The following SUDS3 variants were observed in gnomAD, a reference collection of about 807,000 sequenced individuals.
SUDS3 encodes SIN3A corepressor complex component SDS3.
Under a neutral mutation model 53.5 loss-of-function variants are expected in SUDS3, and 23 were observed. The observed-to-expected ratio is 0.43, with a 90% CI of 0.31 to 0.61. The LOEUF is 0.61. SUDS3 is among the 20% of genes least tolerant of loss of function. SUDS3 has a pLI of 0.10. For synonymous variants in SUDS3, 150 were observed against 148.5 expected, an observed-to-expected ratio of 1.01 and a Z score of -0.08; for missense variants, 291 against 405.9, an observed-to-expected ratio of 0.72 and a Z score of 2.43.
intron 10 of SUDS3, among the ~76,000 whole-genome samples, chr12:118,408,415 T>C (rs934317105): frequency 1.3e-5 from 2 of 151,612 alleles, no homozygotes; most frequent in Admixed American, 6.6e-5. Flanking sequence ...CCCACTGCAG[T>C]CCCTGCCTCC....
rs2046385217 is a variant in SUDS3, at chr12:118,414,672, C to G, written c.*239C>G. ...AGTCACCATGAGACTGTTTTACTTTCAGGCGTATTGGGGGGTTTGATTTAC... is the reference window on the plus strand; with the variant it reads ...AGTCACCATGAGACTGTTTTACTTTGAGGCGTATTGGGGGGTTTGATTTAC... On this transcript the variant is annotated 3_prime_UTR_variant, in exon 12 of 12. Transcript: ENST00000543473. The G allele has an allele frequency of 5.0e-6, 2 of 399,146 alleles. No homozygotes were observed. Among genetic ancestry groups the G allele is most frequent in the Non-Finnish European group, 8.9e-6 (2 of 225,780 alleles). The allele number at this position is 399,146 out of a possible 1,614,324, so 24.7% of individuals were successfully genotyped here.
chr12:118,385,121 T>C (rs1322732726), intron 3 of SUDS3, among the ~76,000 whole-genome samples: 2 of 151,934 alleles, frequency 1.3e-5, no homozygotes, highest in Non-Finnish European at 2.9e-5. Context: ...TCTTTTTTTT[T>C]TTTTCGAGGC....
chr12:118,398,142 A>G (rs1446275548), intron 6 of SUDS3, among the ~76,000 whole-genome samples: 7 of 152,160 alleles, frequency 4.6e-5, no homozygotes, highest in Non-Finnish European at 1.0e-4. Context: ...AAAATATAAT[A>G]ATAAAAACTA....
chr12:118,391,319 T>A, intron 6 of SUDS3, 37 bp downstream of exon 6: 2 of 1,568,052 alleles, frequency 1.3e-6, no homozygotes, highest in Non-Finnish European at 1.7e-6. Context: ...TTGGGGGCCC[T>A]GAGCGGGGGG....
At chr12:118,382,675 T>G (rs905731161) in intron 2 of SUDS3, among the ~76,000 whole-genome samples, 6 of 150,208 alleles carry the variant, frequency 4.0e-5, no homozygotes, top group African/African-American at 1.5e-4. Flanking sequence ...CCTTTTTTTT[T>G]TTTTTTTTAA....
chr12:118,413,664 C>A (rs2046376971), intron 11 of SUDS3, among the ~76,000 whole-genome samples: 1 of 152,092 alleles, frequency 6.6e-6, no homozygotes, highest in Non-Finnish European at 1.5e-5. Context: ...CCTGGCAGTC[C>A]CCTGTTGCAA....
intron 6 of SUDS3, 25 bp from the exon 7 acceptor site, chr12:118,400,634 T>C: frequency 6.2e-7 from 1 of 1,608,908 alleles, no homozygotes; most frequent in Non-Finnish European, 8.5e-7. Context: ...GTTGGATAGA[T>C]TTACCCATTC....
At chr12:118,387,074 T>C (rs1286206391) in intron 4 of SUDS3, among the ~76,000 whole-genome samples, 1 of 152,198 alleles carries the variant, frequency 6.6e-6, no homozygotes, top group Non-Finnish European at 1.5e-5. Context: ...AACGCTTCAC[T>C]GTGTCTCCTC....
intron 3 of SUDS3, among the ~76,000 whole-genome samples, chr12:118,385,876 CCACTCCCCCTCACTCACTACAGACCCTT>C (rs2046110556): frequency 1.3e-5 from 2 of 152,122 alleles, no homozygotes; most frequent in African/African-American, 4.8e-5. Context: ...TGGCAATTTT[CCACTCCCCCTCACTCACTACAGACCCTT>C]GATCCACTGG....
At chr12:118,409,682 G>A (rs1008405979) in intron 10 of SUDS3, among the ~76,000 whole-genome samples, 3 of 152,330 alleles carry the variant, frequency 2.0e-5, no homozygotes, top group South Asian at 4.1e-4. Context: ...AAATTTACAC[G>A]AGTTTATGGG....
chr12:118,394,446 C>G (rs957407212), intron 6 of SUDS3, among the ~76,000 whole-genome samples: 9 of 152,276 alleles, frequency 5.9e-5, no homozygotes, highest in African/African-American at 2.2e-4. Flanking sequence ...CAGCCAGTGT[C>G]TGTCTCACTC....
intron 10 of SUDS3, 96 bp from the exon 11 acceptor site, chr12:118,410,977 T>TATAATTAAAGAAGTCTTAATA: frequency 1.0e-6 from 1 of 956,212 alleles, no homozygotes; most frequent in Non-Finnish European, 1.6e-6. Context: ...CTTCTTTAAT[T>TATAATTAAAGAAGTCTTAATA]ATAATTTTTG....
intron 10 of SUDS3, among the ~76,000 whole-genome samples, chr12:118,408,576 C>T (rs2046329480): frequency 6.6e-6 from 1 of 150,696 alleles, no homozygotes; most frequent in African/African-American, 2.4e-5. Context: ...TCAAGTGATC[C>T]ACCCACCTCG....
At chr12:118,390,128 G>A (rs749226320) in intron 5 of SUDS3, among the ~76,000 whole-genome samples, 182 bp downstream of exon 5, 9 of 152,112 alleles carry the variant, frequency 5.9e-5, no homozygotes, top group South Asian at 2.1e-4. Context: ...TTGTTGTTGC[G>A]CAGCCTCTGC....
chr12:118,409,339 G>A (rs2046337879), intron 10 of SUDS3, among the ~76,000 whole-genome samples: 1 of 152,042 alleles, frequency 6.6e-6, no homozygotes, highest in Non-Finnish European at 1.5e-5. Flanking sequence ...TAGAGATGGG[G>A]TTTCACCATG....
rs1306234250 is a variant in SUDS3, at chr12:118,417,760, A to C, written c.*3327A>C. 1 of 152,028 alleles carries C rather than the reference A, an allele frequency of 6.6e-6. No individual in the cohort carries two copies. The highest frequency in any genetic ancestry group is 1.5e-5 in the Non-Finnish European group (1 of 68,014). 9.4% of individuals were successfully genotyped at this position (152,028 alleles called of 1,614,324 possible). A position where few individuals can be genotyped will look rare whatever the true frequency, so the allele number is the denominator to read the frequency against. ...CTGTATTGTATCCATTGACTTGATAAGTGATAGAAATTTATTTTAGGTTTT... is the reference window on the plus strand; with the variant it reads ...CTGTATTGTATCCATTGACTTGATACGTGATAGAAATTTATTTTAGGTTTT... On this transcript the variant is annotated 3_prime_UTR_variant, in exon 12 of 12. Transcript: ENST00000543473.
intron 10 of SUDS3, among the ~76,000 whole-genome samples, chr12:118,410,208 C>T (rs999461538): frequency 6.6e-6 from 1 of 152,216 alleles, no homozygotes; most frequent in Non-Finnish European, 1.5e-5. Context: ...ACAGTAAGTG[C>T]TTAATGAGTA....
intron 6 of SUDS3, among the ~76,000 whole-genome samples, chr12:118,399,258 T>G (rs1044962310): frequency 6.6e-6 from 1 of 152,080 alleles, no homozygotes. Context: ...TCCCAGCACT[T>G]TGAGAGGCTG....
At chr12:118,381,355 C>T (rs2046057397) in intron 2 of SUDS3, among the ~76,000 whole-genome samples, 1 of 151,768 alleles carries the variant, frequency 6.6e-6, no homozygotes, top group Non-Finnish European at 1.5e-5. Flanking sequence ...TAGACATGCA[C>T]CACCATGCCC....
Sources: allele counts gnomAD v4.1 joint callset (sites outside exome capture counted in the v4.1 genomes callset), GRCh38; gene constraint gnomAD v4.1.1; transcripts MANE v1.5; gene names NCBI Gene and HGNC (gene_info 2026-07-23, HGNC 2026-07-21).